Variants in RGS10 observed in about 807,000 individuals in gnomAD.
The protein encoded by RGS10 is regulator of G protein signaling 10.
A neutral mutation model predicts 23.5 loss-of-function variants in RGS10; 11 were observed. The observed-to-expected ratio is 0.47, with a 90% CI of 0.29 to 0.77. The LOEUF (loss-of-function observed/expected upper bound fraction) is 0.77. Ranked by LOEUF, RGS10 falls within the 30% of genes least tolerant of loss-of-function variation. RGS10 has a pLI of 0.08. For synonymous variants in RGS10, 77 were observed against 83.2 expected, an observed-to-expected ratio of 0.92 and a Z score of 0.41; for missense variants, 180 against 226.3, an observed-to-expected ratio of 0.80 and a Z score of 1.31.
At position 119,517,684 on chromosome 10, in the gene RGS10, G is replaced by GCA. The variant is rs1368746918; in HGVS notation, c.256-2034_256-2033dup. Among the ~76,000 whole-genome samples the GCA allele has an allele frequency of 1.3e-5, 2 of 151,962 alleles. No individual in the cohort carries two copies. The highest frequency in any genetic ancestry group is 1.3e-4 in the Admixed American group (2 of 15,256). ...TTGACATTCACACGCACACACACACGCACACACGTGCACACACGCACACAC... is the reference window on the plus strand; with the variant it reads ...TTGACATTCACACGCACACACACACGCACACACACGTGCACACACGCACACAC... On this transcript the variant is annotated intron_variant, in intron 3 of 4. Transcript: ENST00000369103. The surrounding 1 kb of genome is among the most constrained non-coding windows in gnomAD (Gnocchi z 5.0).
intron 1 of RGS10, among the ~76,000 whole-genome samples, chr10:119,539,905 G>A (rs1844421398): frequency 6.6e-6 from 1 of 151,406 alleles, no homozygotes; most frequent in Non-Finnish European, 1.5e-5. Flanking sequence ...CTTTTGTGGA[G>A]CCTGAAGTTT....
At position 119,527,169 on chromosome 10, in the gene RGS10, G is replaced by C; in HGVS notation, c.168+137C>G. On this transcript the variant is annotated intron_variant, in intron 2 of 4. Transcript: ENST00000369103. This position sits in a 1 kb window ranked among gnomAD's most constrained non-coding sequence, Gnocchi z 4.2. ...AAAGTCTCACCCTCAAGCTGGGATA[G>C]ACAGTACTGAACTCTCAAGCTGGCA... The C allele has an allele frequency of 1.6e-6, 1 of 620,006 alleles. No individual in the cohort carries two copies. The highest frequency in any genetic ancestry group is 2.9e-6 in the Non-Finnish European group (1 of 348,534). 38.4% of individuals were successfully genotyped at this position (620,006 alleles called of 1,614,324 possible).
In RGS10 at chr10:119,517,081, T is replaced by C. The variant is rs1844152684; in HGVS notation, c.256-1429A>G. Among the ~76,000 whole-genome samples, 2 of 152,188 alleles carry C rather than the reference T, an allele frequency of 1.3e-5. No homozygotes were observed. Among genetic ancestry groups the C allele is most frequent in the South Asian group, 4.1e-4 (2 of 4,830 alleles). ...CTCCGCATGTGCTGTGGGGCTTGGT[T>C]TGGGAAATCCCAAGCTCTGCAAACC... On this transcript the variant is annotated intron_variant, in intron 3 of 4. Transcript: ENST00000369103. This position sits in a 1 kb window ranked among gnomAD's most constrained non-coding sequence, Gnocchi z 5.0.
intron 1 of RGS10, among the ~76,000 whole-genome samples, chr10:119,539,079 C>T (rs1244622561): frequency 6.6e-6 from 1 of 152,222 alleles, no homozygotes; most frequent in Non-Finnish European, 1.5e-5. Flanking sequence ...CTACGGGCTG[C>T]ACTAGGTGGT....
At chr10:119,525,965 T>G in intron 3 of RGS10, 67 bp downstream of exon 3, 3 of 840,244 alleles carry the variant, frequency 3.6e-6, no homozygotes, top group Non-Finnish European at 5.6e-6. Flanking sequence ...TTAGGCAACT[T>G]CAGAATCTAT....
chr10:119,539,138 C>G (rs1295965719), intron 1 of RGS10, among the ~76,000 whole-genome samples: 1 of 152,198 alleles, frequency 6.6e-6, no homozygotes, highest in Non-Finnish European at 1.5e-5. Flanking sequence ...CTGACCACAC[C>G]TATAGAAAAC....
intron 1 of RGS10, among the ~76,000 whole-genome samples, chr10:119,537,388 A>AAC (rs1844399715): frequency 6.6e-6 from 1 of 151,748 alleles, no homozygotes; most frequent in African/African-American, 2.4e-5. Context: ...GTCTCAAAAA[A>AAC]AAAAAAAAGA....
intron 1 of RGS10, among the ~76,000 whole-genome samples, chr10:119,529,312 G>C (rs1844310158): frequency 6.6e-6 from 1 of 152,098 alleles, no homozygotes; most frequent in Non-Finnish European, 1.5e-5. Flanking sequence ...AAAGTAGCTG[G>C]GTGTGGTGGT....
chr10:119,542,416 C>G (rs994539413), intron 1 of RGS10, among the ~76,000 whole-genome samples, 174 bp downstream of exon 1: 1 of 152,208 alleles, frequency 6.6e-6, no homozygotes, highest in Non-Finnish European at 1.5e-5. Context: ...GCGCTCCCGT[C>G]GCGGCTGGGA....
chr10:119,522,422 G>T (rs1223105898), intron 3 of RGS10, among the ~76,000 whole-genome samples: 1 of 152,130 alleles, frequency 6.6e-6, no homozygotes, highest in Non-Finnish European at 1.5e-5. Context: ...GCACAACAGA[G>T]GATTAAAAAG....
At chr10:119,541,630 G>A (rs1249467316) in intron 1 of RGS10, among the ~76,000 whole-genome samples, 1 of 152,126 alleles carries the variant, frequency 6.6e-6, no homozygotes, top group African/African-American at 2.4e-5. Context: ...AACGCGTTGG[G>A]ACTCTGAGCG....
chr10:119,539,594 A>G (rs1293894700), intron 1 of RGS10, among the ~76,000 whole-genome samples: 1 of 152,192 alleles, frequency 6.6e-6, no homozygotes, highest in Non-Finnish European at 1.5e-5. Flanking sequence ...TGTCAAAGAC[A>G]AGCCCCACCT....
At chr10:119,535,208 G>A (rs546247252) in intron 1 of RGS10, among the ~76,000 whole-genome samples, 1 of 146,228 alleles carries the variant, frequency 6.8e-6, no homozygotes, top group East Asian at 2.0e-4. Context: ...CAGCCTTTAA[G>A]AGACCAAGAA....
chr10:119,528,615 T>C (rs1461856630), intron 1 of RGS10, among the ~76,000 whole-genome samples: 3 of 152,052 alleles, frequency 2.0e-5, no homozygotes, highest in Non-Finnish European at 4.4e-5. Flanking sequence ...TCCCAGCACT[T>C]TGGGAGGCCA....
At chr10:119,528,206 T>G (rs1015616028) in intron 1 of RGS10, among the ~76,000 whole-genome samples, 2 of 152,090 alleles carry the variant, frequency 1.3e-5, no homozygotes, top group African/African-American at 4.8e-5. Flanking sequence ...AATTTTTGTA[T>G]TCTTAATAGA....
chr10:119,542,639 C>T lies in RGS10; in HGVS notation c.-1G>A, dbSNP rs570249249. On this transcript the variant is annotated 5_prime_UTR_variant, in exon 1 of 5. Coordinates refer to ENST00000369103, the MANE Select transcript of RGS10 (RefSeq NM_001005339.2). ...GCCGGCTCACGGCGCGGTTGAACATCGCCGCGGGCGCCCGAGGAGGAAGAA... is the reference window on the plus strand; with the variant it reads ...GCCGGCTCACGGCGCGGTTGAACATTGCCGCGGGCGCCCGAGGAGGAAGAA... 6 of 1,403,680 alleles carry T rather than the reference C, an allele frequency of 4.3e-6. No individual in the cohort carries two copies. The African/African-American group carries it at 7.4e-5, about 17-fold the overall frequency. The allele number at this position is 1,403,680 out of a possible 1,614,324, so 87.0% of individuals were successfully genotyped here.
At position 119,524,908 on chromosome 10, in the gene RGS10, T is replaced by C. The variant is rs1312612960; in HGVS notation, c.255+1124A>G. On this transcript the variant is annotated intron_variant, in intron 3 of 4. Coordinates refer to ENST00000369103, the MANE Select transcript of RGS10 (RefSeq NM_001005339.2). This position sits in a 1 kb window ranked among gnomAD's most constrained non-coding sequence, Gnocchi z 5.2. ...TGGGTGTCTGCGCCCGGAAAGGCCT[T>C]TGAATAAACCCATGATATACATTTT... Among the ~76,000 whole-genome samples, 1 of 152,062 alleles carries C rather than the reference T, an allele frequency of 6.6e-6. No homozygotes were observed. The highest frequency in any genetic ancestry group is 1.5e-5 in the Non-Finnish European group (1 of 68,022).
At chr10:119,542,183 C>G (rs1844440642) in intron 1 of RGS10, among the ~76,000 whole-genome samples, 1 of 152,202 alleles carries the variant, frequency 6.6e-6, no homozygotes, top group South Asian at 2.1e-4. Flanking sequence ...CGTGCTCCCC[C>G]GGGCGCTCGG....
At chr10:119,514,949 G>A (rs1214603761) in intron 4 of RGS10, among the ~76,000 whole-genome samples, 2 of 152,102 alleles carry the variant, frequency 1.3e-5, no homozygotes, top group African/African-American at 4.8e-5. Flanking sequence ...CCACTTCCAG[G>A]AGGCCCTCCG....
Sources: gnomAD v4.1 joint callset for allele counts (sites outside exome capture counted in the v4.1 genomes callset) on GRCh38, gnomAD v4.1.1 for gene constraint, Gnocchi (gnomAD v3.1) non-coding constraint, MANE v1.5 for transcripts, NCBI Gene and HGNC (gene_info 2026-07-23, HGNC 2026-07-21) for gene names.